CD44: variants seen among roughly 807,000 people sequenced by gnomAD.
The protein encoded by CD44 is CD44 molecule (IN blood group), also known as CD44 antigen.
Under a neutral mutation model 88.8 loss-of-function variants are expected in CD44, and 49 were observed. That is an observed-to-expected ratio of 0.55 (90% CI 0.44 to 0.70). The LOEUF (loss-of-function observed/expected upper bound fraction) is 0.70. Among genes scored for constraint, CD44 ranks in the 30% least tolerant of loss-of-function variants. CD44 has a pLI of 0.00. For missense variants in CD44, 883 were observed against 913.8 expected, an observed-to-expected ratio of 0.97 and a Z score of 0.43; for synonymous variants, 325 against 312.3, an observed-to-expected ratio of 1.04 and a Z score of -0.43.
At chr11:35,205,203 A>G (rs767599493) in intron 10 of CD44, among the ~76,000 whole-genome samples, 1 of 152,198 alleles carries the variant, frequency 6.6e-6, no homozygotes. Context: ...TGGAAATTGG[A>G]ATCCAGTCTT....
chr11:35,171,750 C>T (rs1048064912), intron 1 of CD44, among the ~76,000 whole-genome samples: 1 of 152,034 alleles, frequency 6.6e-6, no homozygotes, highest in Non-Finnish European at 1.5e-5. Flanking sequence ...AACTGAGGGT[C>T]CTGGGAATTT....
At chr11:35,199,936 T>TG (rs1345230825) in intron 7 of CD44, among the ~76,000 whole-genome samples, 2 of 13,012 alleles carry the variant, frequency 1.5e-4, no homozygotes, top group Non-Finnish European at 2.4e-4. Context: ...ATGGTGTTGT[T>TG]TTTTTTTTTT....
At chr11:35,145,482 T>C (rs1240722110) in intron 1 of CD44, among the ~76,000 whole-genome samples, 1 of 151,970 alleles carries the variant, frequency 6.6e-6, no homozygotes, top group African/African-American at 2.4e-5. Flanking sequence ...AGCTCACCCA[T>C]CTGTTTGTTT....
At chr11:35,157,860 A>G (rs1942103843) in intron 1 of CD44, among the ~76,000 whole-genome samples, 1 of 152,188 alleles carries the variant, frequency 6.6e-6, no homozygotes, top group African/African-American at 2.4e-5. Context: ...GAAGCAAGAC[A>G]TGGATACTCC....
intron 15 of CD44, among the ~76,000 whole-genome samples, chr11:35,216,118 C>T (rs1448625305): frequency 6.6e-6 from 1 of 151,604 alleles, no homozygotes; most frequent in African/African-American, 2.4e-5. Context: ...CTTCTCATAG[C>T]ACAGTCTGGA....
At chr11:35,164,370 G>T (rs1425275125) in intron 1 of CD44, among the ~76,000 whole-genome samples, 2 of 152,202 alleles carry the variant, frequency 1.3e-5, no homozygotes, top group South Asian at 2.1e-4. Flanking sequence ...ACTTCTCAAG[G>T]TATAGCATCT....
At chr11:35,211,061 G>A (rs560835051) in intron 13 of CD44, among the ~76,000 whole-genome samples, 185 bp from the exon 14 acceptor site, 1 of 152,340 alleles carries the variant, frequency 6.6e-6, no homozygotes, top group African/African-American at 2.4e-5. Context: ...GTTGAGTGAT[G>A]TCCAAGTAGT....
intron 1 of CD44, among the ~76,000 whole-genome samples, chr11:35,171,742 C>G (rs1222022781): frequency 2.6e-5 from 4 of 152,102 alleles, no homozygotes. Context: ...CCCTAAAGAA[C>G]TGAGGGTCCT....
chr11:35,150,035 C>T (rs1379383686), intron 1 of CD44, among the ~76,000 whole-genome samples: 1 of 151,552 alleles, frequency 6.6e-6, no homozygotes, highest in Non-Finnish European at 1.5e-5. Flanking sequence ...GGATTAACTG[C>T]AGGATCTGAA....
intron 1 of CD44, among the ~76,000 whole-genome samples, chr11:35,144,711 T>C (rs1056917276): frequency 1.3e-5 from 2 of 152,202 alleles, no homozygotes; most frequent in Admixed American, 6.5e-5. Context: ...AGAGTCAGGA[T>C]CTCAAATATG....
At chr11:35,149,862 T>C in intron 1 of CD44, among the ~76,000 whole-genome samples, 1 of 152,094 alleles carries the variant, frequency 6.6e-6, no homozygotes, top group East Asian at 1.9e-4. Context: ...AATTACACTC[T>C]AACTCCAATG....
intron 14 of CD44, among the ~76,000 whole-genome samples, chr11:35,212,085 A>G (rs1948447356): frequency 6.6e-6 from 1 of 152,188 alleles, no homozygotes; most frequent in South Asian, 2.1e-4. Context: ...TAATTTATTC[A>G]ATGAAGTTTG....
intron 1 of CD44, among the ~76,000 whole-genome samples, chr11:35,162,797 T>C (rs1942791785): frequency 6.6e-6 from 1 of 152,052 alleles, no homozygotes; most frequent in African/African-American, 2.4e-5. Context: ...CCAAAACATC[T>C]GAAGAGTGAA....
intron 5 of CD44, among the ~76,000 whole-genome samples, chr11:35,192,843 A>G (rs535436239): frequency 6.9e-6 from 1 of 145,584 alleles, no homozygotes; most frequent in East Asian, 2.0e-4. Context: ...GGTGGGGAAA[A>G]TTAGAAATTC....
intron 15 of CD44, among the ~76,000 whole-genome samples, chr11:35,217,048 G>A (rs1443591154): frequency 1.3e-5 from 2 of 152,156 alleles, no homozygotes; most frequent in African/African-American, 4.8e-5. Flanking sequence ...ACTTGCTACT[G>A]TGGCCAGTCC....
chr11:35,163,194 G>A lies in CD44; in HGVS notation c.68-13381G>A, dbSNP rs78374096. Among the ~76,000 whole-genome samples the A allele has an allele frequency of 9.1e-3, 1,375 of 151,752 alleles. 16 individuals carry two copies. The highest frequency in any genetic ancestry group is 0.032 in the African/African-American group (1,325 of 41,372). On this transcript the variant is annotated intron_variant, in intron 1 of 17. Transcript: ENST00000428726. ...CCTGTAAGTCAGTGGTGGTTGTAAG[G>A]TAAATTGTAAGTAAGAGCTATTGGC...
intron 5 of CD44, among the ~76,000 whole-genome samples, chr11:35,191,510 C>T (rs904231995): frequency 6.6e-6 from 1 of 152,194 alleles, no homozygotes; most frequent in Admixed American, 6.5e-5. Flanking sequence ...GTGCTGCTAG[C>T]TACTCACTGC....
chr11:35,179,583 A>G (rs892232066), intron 2 of CD44, among the ~76,000 whole-genome samples: 6 of 152,146 alleles, frequency 3.9e-5, no homozygotes, highest in Admixed American at 3.9e-4. Context: ...GAGCTACATG[A>G]GCCGTTGCTA....
At chr11:35,151,671 T>A (rs1243028481) in intron 1 of CD44, among the ~76,000 whole-genome samples, 1 of 152,216 alleles carries the variant, frequency 6.6e-6, no homozygotes, top group East Asian at 1.9e-4. Context: ...ATCACCGTAG[T>A]GGAGCAGCAG....
Sources: allele counts gnomAD v4.1 joint callset (sites outside exome capture counted in the v4.1 genomes callset), GRCh38; gene constraint gnomAD v4.1.1; transcripts MANE v1.5; gene names NCBI Gene and HGNC (gene_info 2026-07-23, HGNC 2026-07-21).